The following SAMD3 variants were observed in gnomAD, a reference collection of about 807,000 sequenced individuals.
SAMD3 encodes the protein sterile alpha motif domain-containing protein 3.
Under a neutral mutation model 58.5 loss-of-function variants are expected in SAMD3, and 63 were observed. The observed-to-expected ratio is 1.08, with a 90% CI of 0.88 to 1.33. SAMD3 has a LOEUF of 1.33. SAMD3 is among the 40% of genes most tolerant of loss of function. The probability of loss-of-function intolerance (pLI) is 0.00; values close to 1 mark genes in which losing one functional copy is unlikely to be tolerated. For missense variants in SAMD3, 604 were observed against 608.4 expected (o/e 0.99, Z 0.08); for synonymous variants, 220 against 210.3 (o/e 1.05, Z -0.40).
chr6:130,335,872 A>G (rs373601484), intron 1 of SAMD3, among the ~76,000 whole-genome samples: 102 of 152,136 alleles, frequency 6.7e-4, no homozygotes, highest in Non-Finnish European at 1.1e-3. Context: ...TAGGGACATG[A>G]ATGAAATTGG....
chr6:130,315,046 A>G (rs1034053420), intron 1 of SAMD3, among the ~76,000 whole-genome samples: 4 of 152,166 alleles, frequency 2.6e-5, no homozygotes, highest in African/African-American at 9.7e-5. Flanking sequence ...CAAACTATAT[A>G]CTATATTGTG....
intron 2 of SAMD3, among the ~76,000 whole-genome samples, chr6:130,268,039 A>G (rs187903498): frequency 6.6e-6 from 1 of 152,290 alleles, no homozygotes; most frequent in African/African-American, 2.4e-5. Context: ...CATTGTAACC[A>G]TCATAATTTC....
At position 130,310,161 on chromosome 6, in the gene SAMD3, C is replaced by G. The variant is rs546506588; in HGVS notation, c.-188+2817G>C. ...TCCCAGAATTTTCTGGCATGCCTAT[C>G]CATTTGAAACAGAATCCGTTTCAAC... On this transcript the variant is annotated intron_variant, in intron 2 of 13. Coordinates refer to the SAMD3 transcript ENST00000368134. Among the ~76,000 whole-genome samples, 5 of 152,270 alleles carry G rather than the reference C, an allele frequency of 3.3e-5. No homozygotes were observed. The South Asian group carries it at 1.0e-3, about 32-fold the overall frequency.
intron 1 of SAMD3, among the ~76,000 whole-genome samples, chr6:130,318,936 T>G (rs1364759766): frequency 6.6e-6 from 1 of 152,166 alleles, no homozygotes; most frequent in African/African-American, 2.4e-5. Context: ...AAGATTGAAC[T>G]GTTAGTTATA....
intron 2 of SAMD3, among the ~76,000 whole-genome samples, chr6:130,235,359 A>G (rs1582987973): frequency 1.3e-5 from 2 of 152,302 alleles, no homozygotes. Context: ...CTTTGCACTG[A>G]GTTTGAAAAT....
chr6:130,344,685 A>C (rs1337739930), intron 1 of SAMD3, among the ~76,000 whole-genome samples: 5 of 152,122 alleles, frequency 3.3e-5, no homozygotes, highest in African/African-American at 4.8e-5. Context: ...CATGGAGCCC[A>C]GCCATTCCCT....
At chr6:130,175,156 A>C (rs1791604049) in intron 8 of SAMD3, among the ~76,000 whole-genome samples, 1 of 152,246 alleles carries the variant, frequency 6.6e-6, no homozygotes, top group Admixed American at 6.5e-5. Context: ...TTGGTAGTTC[A>C]GACATCCTTG....
At chr6:130,205,326 CAG>C (rs1794993150) in intron 5 of SAMD3, among the ~76,000 whole-genome samples, 1 of 151,432 alleles carries the variant, frequency 6.6e-6, no homozygotes, top group African/African-American at 2.4e-5. Flanking sequence ...TTTTTTGGGA[CAG>C]AGTCTCACTA....
rs1774470122 is a variant in SAMD3, at chr6:130,269,244, C to G, written c.-188+43734G>C. ...TTTCTCCATTGAATAACGCTTTGCT[C>G]TTTGTCAAAAATCATTGGGTATATT... On this transcript the variant is annotated intron_variant, in intron 2 of 13. Coordinates refer to the SAMD3 transcript ENST00000368134. Among the ~76,000 whole-genome samples, 3 of 152,094 alleles carry G rather than the reference C, an allele frequency of 2.0e-5. No individual in the cohort carries two copies. The South Asian group carries it at 6.2e-4, about 31-fold the overall frequency.
At chr6:130,165,722 C>T (rs1046819664) in intron 8 of SAMD3, among the ~76,000 whole-genome samples, 7 of 151,774 alleles carry the variant, frequency 4.6e-5, no homozygotes, top group African/African-American at 1.5e-4. Context: ...ATAGCTCTAC[C>T]GGCTGAAAGA....
At chr6:130,255,118 T>C (rs1315839938) in intron 2 of SAMD3, among the ~76,000 whole-genome samples, 37 of 152,362 alleles carry the variant, frequency 2.4e-4, no homozygotes, top group Non-Finnish European at 2.2e-4. Context: ...CAATTCCTCT[T>C]GTTATTGACT....
At chr6:130,291,900 C>T (rs1775375220) in intron 2 of SAMD3, among the ~76,000 whole-genome samples, 1 of 151,926 alleles carries the variant, frequency 6.6e-6, no homozygotes, top group Admixed American at 6.6e-5. Context: ...CTTAATGTGC[C>T]TTTATATATT....
Position 130,189,789 on chromosome 6 carries a change from T to C in SAMD3, c.384-5166A>G, listed in dbSNP as rs956413113. Among the ~76,000 whole-genome samples the C allele has an allele frequency of 3.9e-5, 6 of 152,140 alleles. 1 individual carries two copies. The highest frequency in any genetic ancestry group is 1.4e-4 in the African/African-American group (6 of 41,420). On this transcript the variant is annotated intron_variant, in intron 5 of 11. Coordinates refer to ENST00000439090, the MANE Select transcript of SAMD3 (RefSeq NM_001017373.4). ...ACATTAACCATAAACATTAAACACA[T>C]TTTAAAAAAATTAACTGAAAACACT...
intron 1 of SAMD3, among the ~76,000 whole-genome samples, chr6:130,336,285 G>A (rs891635565): frequency 2.0e-5 from 3 of 152,112 alleles, no homozygotes; most frequent in African/African-American, 7.2e-5. Context: ...CTGCTTTACA[G>A]ATAAGGAAAA....
chr6:130,354,067 A>C (rs1777756456), intron 1 of SAMD3, among the ~76,000 whole-genome samples: 1 of 152,248 alleles, frequency 6.6e-6, no homozygotes, highest in Admixed American at 6.5e-5. Flanking sequence ...CGAGCATATG[A>C]AAACAAGCTC....
chr6:130,174,055 T>G (rs1005538352), intron 8 of SAMD3, among the ~76,000 whole-genome samples: 2 of 152,168 alleles, frequency 1.3e-5, no homozygotes, highest in African/African-American at 4.8e-5. Context: ...CCAGGTCAAC[T>G]TCAGACTGCT....
At chr6:130,303,268 C>A (rs1279948363) in intron 2 of SAMD3, among the ~76,000 whole-genome samples, 1 of 152,088 alleles carries the variant, frequency 6.6e-6, no homozygotes, top group Non-Finnish European at 1.5e-5. Flanking sequence ...TGTTTCATAT[C>A]ACAGTACAGG....
intron 5 of SAMD3, among the ~76,000 whole-genome samples, chr6:130,194,584 C>A (rs1793900747): frequency 6.6e-6 from 1 of 152,216 alleles, no homozygotes; most frequent in South Asian, 2.1e-4. Context: ...CCAGGCATTT[C>A]TCCAGAACCT....
At chr6:130,335,835 T>TA (rs1187373967) in intron 1 of SAMD3, among the ~76,000 whole-genome samples, 13 of 151,938 alleles carry the variant, frequency 8.6e-5, no homozygotes, top group African/African-American at 2.9e-4. Flanking sequence ...TATGCAGCCA[T>TA]AAAAAATGAT....
Sources: gnomAD v4.1 joint callset for allele counts (sites outside exome capture counted in the v4.1 genomes callset) on GRCh38, gnomAD v4.1.1 for gene constraint, MANE v1.5 for transcripts, NCBI Gene and HGNC (gene_info 2026-07-23, HGNC 2026-07-21) for gene names.